Variants in TTLL1 observed in about 807,000 individuals in gnomAD.
The protein encoded by TTLL1 is TTL family tubulin polyglutamylase complex subunit L1.
In TTLL1, 33 loss-of-function variants were observed where a neutral mutation model predicts 47.8. That is an observed-to-expected ratio of 0.69 (90% CI 0.52 to 0.92). The LOEUF (loss-of-function observed/expected upper bound fraction) is 0.92. TTLL1 is among the 40% of genes least tolerant of loss of function. The pLI is 0.00. For missense variants in TTLL1, 488 were observed against 547.5 expected, an observed-to-expected ratio of 0.89 and a Z score of 1.08; for synonymous variants, 225 against 214.1, an observed-to-expected ratio of 1.05 and a Z score of -0.45.
At chr22:43,059,880 A>G (rs1927285542) in intron 7 of TTLL1, among the ~76,000 whole-genome samples, 1 of 152,030 alleles carries the variant, frequency 6.6e-6, no homozygotes, top group African/African-American at 2.4e-5. Context: ...TGTAGAGAAG[A>G]GGTCTCACTA....
chr22:43,075,684 C>A, intron 2 of TTLL1, 94 bp from the exon 3 acceptor site: 1 of 1,062,968 alleles, frequency 9.4e-7, no homozygotes, highest in South Asian at 1.3e-5. Context: ...CCATCCCAAA[C>A]TCGATCTTAC....
rs1392977771 is a variant in TTLL1 at position 43,075,477 on chromosome 22, T to C, written c.110A>G (p.Tyr37Cys). The C allele has an allele frequency of 6.2e-7, 1 of 1,613,890 alleles. No homozygotes were observed. Residue 37 changes from tyrosine to cysteine, a missense_variant, in exon 3 of 11, where the codon TAC becomes TGC. Transcript: ENST00000266254. Reference protein sequence around the residue: ...QVTENEDWNFYWMSVQTIRNV... With the variant: ...QVTENEDWNFCWMSVQTIRNV... ...CAGCCCTGCTGTGTATGCTTACCAG[T>C]AAAAATTCCAGTCCTCGTTTTCTGT...
chr22:43,070,569 G>A (rs1198191445), intron 3 of TTLL1, among the ~76,000 whole-genome samples: 4 of 152,184 alleles, frequency 2.6e-5, no homozygotes, highest in East Asian at 3.9e-4. Context: ...GAGGGTGCCC[G>A]GAGCCCCCGA....
At chr22:43,085,351 T>C (rs1195923882) in intron 1 of TTLL1, among the ~76,000 whole-genome samples, 2 of 152,208 alleles carry the variant, frequency 1.3e-5, no homozygotes, top group Admixed American at 6.5e-5. Flanking sequence ...CTCCACTGTG[T>C]ATATTATCGT....
chr22:43,042,162 T>C (rs2146955093), intron 10 of TTLL1, among the ~76,000 whole-genome samples: 1 of 152,344 alleles, frequency 6.6e-6, no homozygotes, highest in Non-Finnish European at 1.5e-5. Context: ...GGTTCGTGGC[T>C]GCCCCCAGCA....
chr22:43,075,375 A>T, intron 3 of TTLL1, 99 bp downstream of exon 3: 1 of 937,242 alleles, frequency 1.1e-6, no homozygotes, highest in Non-Finnish European at 1.7e-6. Flanking sequence ...CAATGACAGG[A>T]GACAGTGGCT....
intron 9 of TTLL1, among the ~76,000 whole-genome samples, chr22:43,049,713 G>A (rs1011412679): frequency 2.7e-5 from 4 of 150,550 alleles, no homozygotes; most frequent in South Asian, 4.2e-4. Flanking sequence ...AGGCTGCAGC[G>A]AGCTATGATT....
intron 1 of TTLL1, among the ~76,000 whole-genome samples, chr22:43,083,762 C>T (rs1172873465): frequency 6.6e-6 from 1 of 152,084 alleles, no homozygotes; most frequent in Non-Finnish European, 1.5e-5. Context: ...AATAAAAACC[C>T]ACTGGCAAGG....
At chr22:43,044,258 C>G (rs191181541) in intron 10 of TTLL1, among the ~76,000 whole-genome samples, 41 of 151,546 alleles carry the variant, frequency 2.7e-4, no homozygotes, top group Non-Finnish European at 1.5e-5. Flanking sequence ...CACACACTGA[C>G]TGGTCACCCC....
chr22:43,087,777 G>A (rs1414686277), intron 1 of TTLL1, among the ~76,000 whole-genome samples: 6 of 146,094 alleles, frequency 4.1e-5, no homozygotes, highest in Non-Finnish European at 3.0e-5. Flanking sequence ...GGCAGAGGTT[G>A]CAGTGAGCCA....
intron 10 of TTLL1, among the ~76,000 whole-genome samples, chr22:43,041,577 C>T (rs1346912146): frequency 4.1e-5 from 6 of 145,256 alleles, no homozygotes; most frequent in South Asian, 2.1e-4. Flanking sequence ...TGTAGTGGCC[C>T]GATCTTGGCT....
chr22:43,040,133 A>G (rs889969256), intron 10 of TTLL1: 12 of 528,292 alleles, frequency 2.3e-5, no homozygotes, highest in African/African-American at 3.9e-5. Context: ...CAGCCTGCCT[A>G]TGTGTACAAC....
Position 43,074,033 on chromosome 22 carries a change from A to G in TTLL1, c.113+1441T>C, listed in dbSNP as rs1000433953. Among the ~76,000 whole-genome samples the G allele has an allele frequency of 4.0e-5, 6 of 151,584 alleles. No individual in the cohort carries two copies. In the South Asian group the frequency reaches 1.3e-3, roughly 32 times the overall value. On this transcript the variant is annotated intron_variant, in intron 3 of 10. Coordinates refer to ENST00000266254, the MANE Select transcript of TTLL1 (RefSeq NM_012263.5). The stretch of plus-strand genomic sequence containing the variant: ...GAGACAAGGTTTTGTCATGTTGGTC[A>G]TGCTGGTCTCCAACTCCTGGCCTCA...
intron 8 of TTLL1, among the ~76,000 whole-genome samples, chr22:43,055,641 A>G (rs1372495662): frequency 6.6e-6 from 1 of 151,122 alleles, no homozygotes; most frequent in East Asian, 2.0e-4. Flanking sequence ...AATTAAAAAT[A>G]ATTTTTTTTT....
chr22:43,063,462 CTT>C (rs34847416), intron 7 of TTLL1, among the ~76,000 whole-genome samples: 9,330 of 139,658 alleles, frequency 0.067, 556 homozygotes, highest in East Asian at 0.3. Context: ...AAAGTCGGTC[CTT>C]TTTTTTTTTT....
intron 3 of TTLL1, among the ~76,000 whole-genome samples, chr22:43,071,372 C>T (rs1012668104): frequency 3.3e-5 from 5 of 152,056 alleles, no homozygotes; most frequent in South Asian, 2.1e-4. Context: ...CAGTGGCTCA[C>T]GTCTGTAATC....
intron 10 of TTLL1, chr22:43,041,207 A>G (rs1193633041): frequency 6.6e-6 from 1 of 152,176 alleles, no homozygotes; most frequent in Non-Finnish European, 1.5e-5. Context: ...TTTTTGTCCC[A>G]TAGCGCTGAG....
chr22:43,046,534 C>T lies in TTLL1; in HGVS notation c.1018G>A (p.Asp340Asn), dbSNP rs1926145810. 1 of 1,614,124 alleles carries T rather than the reference C, an allele frequency of 6.2e-7. No individual in the cohort carries two copies. The highest frequency in any genetic ancestry group is 1.3e-5 in the African/African-American group (1 of 75,034). ...ATCAGGTTGTACTTGAGGATTCGGT[C>T]ATTGGCAGTGCTGGACGTGAGAGAC... ...SPSLTSSTAN[D>N]RILKYNLIND... Residue 340 changes from aspartate (D) to asparagine (N), a missense_variant, in exon 10 of 11, where the codon GAC (aspartate) becomes AAC (asparagine). Asp to Asn is a conservative substitution (Grantham distance 23, BLOSUM62 1). Coordinates refer to ENST00000266254, the MANE Select transcript of TTLL1 (RefSeq NM_012263.5).
intron 5 of TTLL1, among the ~76,000 whole-genome samples, chr22:43,065,526 G>C (rs1927672360): frequency 6.6e-6 from 1 of 151,964 alleles, no homozygotes; most frequent in Non-Finnish European, 1.5e-5. Context: ...CTGACCTCAA[G>C]TGATCCGCCT....
Sources: gnomAD v4.1 joint callset for allele counts (sites outside exome capture counted in the v4.1 genomes callset) on GRCh38, gnomAD v4.1.1 for gene constraint, MANE v1.5 for transcripts, NCBI Gene and HGNC (gene_info 2026-07-23, HGNC 2026-07-21) for gene names.